The following GRAMD1A variants were observed in gnomAD, a reference collection of about 807,000 sequenced individuals.
The protein encoded by GRAMD1A is GRAM domain containing 1A.
A neutral mutation model predicts 92.0 loss-of-function variants in GRAMD1A; 50 were observed. The ratio of observed to expected loss-of-function variants is 0.54; its 90% CI spans 0.43 to 0.69. The LOEUF is 0.69. Ranked by LOEUF, GRAMD1A falls within the 30% of genes least tolerant of loss-of-function variation. The pLI is 0.00. For synonymous variants in GRAMD1A, 405 were observed against 403.6 expected (o/e 1.00, Z -0.04); for missense variants, 819 against 978.9 (o/e 0.84, Z 2.18).
In GRAMD1A at chr19:35,019,256, A is replaced by G. The variant is rs2015864885; in HGVS notation, c.1279A>G (p.Ile427Val). The G allele has an allele frequency of 6.2e-7, 1 of 1,613,630 alleles. No homozygotes were observed. Among genetic ancestry groups the G allele is most frequent in the Non-Finnish European group, 8.5e-7 (1 of 1,179,710 alleles). The change falls in exon 12 of 20, where the codon ATC becomes GTC. Residue 427 changes from isoleucine (I) to valine (V), a missense_variant. Ile to Val is a conservative substitution (Grantham distance 29). This residue lies in a region of GRAMD1A where 577 missense variants were observed against 674.6 expected (regional missense o/e 0.86). Transcript: ENST00000317991. ...CHQRRVLTYT[I>V]PISNPLGPKS... ...CCAGCGCCGGGTGCTGACGTACACC[A>G]TCCCCATCAGCAACCCACTGGGCCC... is the stretch of plus-strand genomic sequence containing the variant.
chr19:35,014,462 A>G (rs887823924), intron 10 of GRAMD1A, 75 bp downstream of exon 10: 2 of 1,291,566 alleles, frequency 1.5e-6, no homozygotes, highest in East Asian at 2.3e-5. Flanking sequence ...GAGGGGATGG[A>G]TTCGCCCGCA....
chr19:35,020,687 A>ACC (rs1209794359), intron 13 of GRAMD1A, among the ~76,000 whole-genome samples: 3 of 148,430 alleles, frequency 2.0e-5, no homozygotes, highest in African/African-American at 7.5e-5. Flanking sequence ...AAAAAGGTGA[A>ACC]CCAGATGTGG....
intron 6 of GRAMD1A, 160 bp downstream of exon 6, chr19:35,010,539 C>G (rs1384530803): frequency 3.2e-6 from 2 of 617,532 alleles, no homozygotes; most frequent in Non-Finnish European, 5.8e-6. Flanking sequence ...CTGACCTGAT[C>G]CCCGCACCAG....
In GRAMD1A at chr19:35,021,769, G is replaced by A. The variant is rs746163845; in HGVS notation, c.1658G>A (p.Arg553Gln). 14 of 1,612,874 alleles carry A rather than the reference G, an allele frequency of 8.7e-6. No individual in the cohort carries two copies. Among genetic ancestry groups the A allele is most frequent in the African/African-American group, 1.3e-5 (1 of 74,946 alleles). The change falls in exon 15 of 20, where the codon CGG becomes CAG. Residue 553 changes from arginine to glutamine, a missense_variant. By Grantham distance (43) the Arg-to-Gln change is conservative. Coordinates refer to ENST00000317991, the MANE Select transcript of GRAMD1A (RefSeq NM_020895.5). This position sits in a 1 kb window ranked among gnomAD's most constrained non-coding sequence, Gnocchi z 5.3. ...GCCCGGGGCTTGCTATCCGGCCTGCGGCGGCGGAAGCGGCCCCTGAGCTGG... is the reference window on the plus strand; with the variant it reads ...GCCCGGGGCTTGCTATCCGGCCTGCAGCGGCGGAAGCGGCCCCTGAGCTGG... The part of the protein sequence containing the change: ...KDARGLLSGL[R>Q]RRKRPLSWRA...
upstream of GRAMD1A, among the ~76,000 whole-genome samples, chr19:34,995,596 T>C (rs1454624341): frequency 6.7e-6 from 1 of 148,898 alleles, no homozygotes. Flanking sequence ...TTTTTTTTTT[T>C]TCTGAGACAG....
At chr19:35,017,080 TGA>T (rs1842810492) in intron 11 of GRAMD1A, among the ~76,000 whole-genome samples, 1 of 149,654 alleles carries the variant, frequency 6.7e-6, no homozygotes, top group Non-Finnish European at 1.5e-5. Flanking sequence ...GAGGCTCAGG[TGA>T]GAGAATTGCT....
chr19:35,005,663 T>C (rs900554718), intron 1 of GRAMD1A, among the ~76,000 whole-genome samples: 1 of 152,160 alleles, frequency 6.6e-6, no homozygotes, highest in African/African-American at 2.4e-5. Flanking sequence ...ACGTATTTTA[T>C]TCCACAAATT....
At chr19:35,007,405 A>G (rs1024874569) in intron 1 of GRAMD1A, among the ~76,000 whole-genome samples, 1 of 152,184 alleles carries the variant, frequency 6.6e-6, no homozygotes, top group South Asian at 2.1e-4. Context: ...AAAAAATGCA[A>G]AAATTAGCGG....
chr19:35,017,821 C>T (rs1042191998), intron 11 of GRAMD1A, among the ~76,000 whole-genome samples: 1 of 152,086 alleles, frequency 6.6e-6, no homozygotes, highest in Non-Finnish European at 1.5e-5. Flanking sequence ...TAACTCACAC[C>T]ATGCCAGTAG....
At chr19:34,995,181 C>T (rs552061559) in intron 1 of GRAMD1A, among the ~76,000 whole-genome samples, 3 of 152,342 alleles carry the variant, frequency 2.0e-5, no homozygotes, top group South Asian at 2.1e-4. Flanking sequence ...TCCGGCTAGC[C>T]GTTACCCAGG....
In GRAMD1A at chr19:35,014,270, C is replaced by T. The variant is rs2015464598; in HGVS notation, c.952C>T (p.Pro318Ser). Residue 318 changes from proline (P) to serine (S), a missense_variant, in exon 10 of 20, where the codon CCG (proline) becomes TCG (serine). Physicochemically the swap from Pro to Ser is moderately conservative, Grantham distance 74. Transcript: ENST00000317991. Reference sequence around the variant, plus strand: ...GACAGTGACCCCGGTGGCTGAACCCCCGAGCACAGAGCCCACCCAGCCTGA... The same window carrying T: ...GACAGTGACCCCGGTGGCTGAACCCTCGAGCACAGAGCCCACCCAGCCTGA... ...SQTVTPVAEP[P>S]STEPTQPDGP... 1.2e-6 allele frequency: 2 copies of T among 1,614,002 alleles called. No individual in the cohort carries two copies. The highest frequency in any genetic ancestry group is 1.3e-5 in the African/African-American group (1 of 74,910).
chr19:35,021,678 C>G lies in GRAMD1A; in HGVS notation c.1580-13C>G. The G allele has an allele frequency of 6.2e-7, 1 of 1,614,020 alleles. No individual in the cohort carries two copies. The highest frequency in any genetic ancestry group is 1.1e-5 in the South Asian group (1 of 91,088). On this transcript the variant is annotated splice_polypyrimidine_tract_variant and intron_variant, in intron 14 of 19. Transcript: ENST00000317991. The surrounding 1 kb of genome is among the most constrained non-coding windows in gnomAD (Gnocchi z 5.3). The stretch of plus-strand genomic sequence containing the variant: ...CAGGTATGGACATCCAGAGCCCCCT[C>G]TCTTTTACGCAGAGCGAGAGCTCGC...
Position 35,019,275 on chromosome 19 carries a change from T to C in GRAMD1A, c.1298T>C (p.Leu433Pro). 6.8e-6 allele frequency: 11 copies of C among 1,613,482 alleles called. No homozygotes were observed. The highest frequency in any genetic ancestry group is 8.5e-6 in the Non-Finnish European group (10 of 1,179,646). The change falls in exon 12 of 20, where the codon CTG becomes CCG. Residue 433 changes from leucine (L) to proline (P), a missense_variant. Coordinates refer to ENST00000317991, the MANE Select transcript of GRAMD1A (RefSeq NM_020895.5). Reference protein sequence around the residue: ...LTYTIPISNPLGPKSASVVET... With the variant: ...LTYTIPISNPPGPKSASVVET... ...TACACCATCCCCATCAGCAACCCACTGGGCCCCAAGAGCGCCTCCGTGGTG... is the reference window on the plus strand; with the variant it reads ...TACACCATCCCCATCAGCAACCCACCGGGCCCCAAGAGCGCCTCCGTGGTG...
intron 19 of GRAMD1A, among the ~76,000 whole-genome samples, chr19:35,024,022 G>A (rs1365692221): frequency 6.6e-6 from 1 of 152,176 alleles, no homozygotes; most frequent in East Asian, 1.9e-4. Flanking sequence ...GGTAACTAAG[G>A]GGTCACATGG....
chr19:34,995,847 A>T, upstream of GRAMD1A: 1 of 595,542 alleles, frequency 1.7e-6, no homozygotes, highest in Non-Finnish European at 3.0e-6. Context: ...CCTCCCAGAG[A>T]GCTGGGATTA....
chr19:35,013,717 GGGATACTGATA>G lies in GRAMD1A; in HGVS notation c.870+30_870+40del. 6.3e-7 allele frequency: 1 copy of G among 1,589,874 alleles called. No homozygotes were observed. The highest frequency in any genetic ancestry group is 8.6e-7 in the Non-Finnish European group (1 of 1,165,270). ...GTGAGCGGTGGGTTGGAAGAGGGGTGGGATACTGATAGGAAGAGAGAGGAGGGCTGGGGGTG... is the reference window on the plus strand; with the variant it reads ...GTGAGCGGTGGGTTGGAAGAGGGGTGGGAAGAGAGAGGAGGGCTGGGGGTG... On this transcript the variant is annotated intron_variant, in intron 9 of 19. Coordinates refer to ENST00000317991, the MANE Select transcript of GRAMD1A (RefSeq NM_020895.5). This position sits in a 1 kb window ranked among gnomAD's most constrained non-coding sequence, Gnocchi z 4.9.
Position 35,021,684 on chromosome 19 carries a change from T to C in GRAMD1A, c.1580-7T>C, listed in dbSNP as rs768303811. 11 of 1,613,948 alleles carry C rather than the reference T, an allele frequency of 6.8e-6. No homozygotes were observed. The East Asian group carries it at 2.0e-4, about 29-fold the overall frequency. On this transcript the variant is annotated splice_polypyrimidine_tract_variant and splice_region_variant and intron_variant, in intron 14 of 19. Coordinates refer to ENST00000317991, the MANE Select transcript of GRAMD1A (RefSeq NM_020895.5). The surrounding 1 kb of genome is among the most constrained non-coding windows in gnomAD (Gnocchi z 5.3). ...TGGACATCCAGAGCCCCCTCTCTTTTACGCAGAGCGAGAGCTCGCCAAGGC... is the reference window on the plus strand; with the variant it reads ...TGGACATCCAGAGCCCCCTCTCTTTCACGCAGAGCGAGAGCTCGCCAAGGC...
Position 35,025,918 on chromosome 19 carries a change from C to T in GRAMD1A, c.2083-131C>T. ...TGCAGCATGGCTGTGCTCTTTTCACCAAGGGACCCTGGGGTGGGGCAGTAT... is the reference window on the plus strand; with the variant it reads ...TGCAGCATGGCTGTGCTCTTTTCACTAAGGGACCCTGGGGTGGGGCAGTAT... On this transcript the variant is annotated intron_variant, in intron 19 of 19. Coordinates refer to ENST00000317991, the MANE Select transcript of GRAMD1A (RefSeq NM_020895.5). 8 of 657,178 alleles carry T rather than the reference C, an allele frequency of 1.2e-5. No homozygotes were observed. The Admixed American group carries it at 1.5e-4, about 13-fold the overall frequency. 40.7% of individuals were successfully genotyped at this position (657,178 alleles called of 1,614,324 possible).
chr19:35,024,443 G>C (rs1208093758), intron 19 of GRAMD1A, among the ~76,000 whole-genome samples: 1 of 152,182 alleles, frequency 6.6e-6, no homozygotes, highest in Non-Finnish European at 1.5e-5. Context: ...CAGGCCAGCA[G>C]TTGCGGTGGG....
Sources: allele counts gnomAD v4.1 joint callset (sites outside exome capture counted in the v4.1 genomes callset), GRCh38; gene constraint gnomAD v4.1.1; regional missense constraint gnomAD v4.1.1; non-coding constraint Gnocchi (gnomAD v3.1); transcripts MANE v1.5; gene names NCBI Gene and HGNC (gene_info 2026-07-23, HGNC 2026-07-21).